The following ATP2B2 variants were observed in gnomAD, a reference collection of about 807,000 sequenced individuals.
The protein encoded by ATP2B2 is ATPase plasma membrane Ca2+ transporting 2, also known as plasma membrane calcium-transporting ATPase 2.
ATP2B2 carries 15 observed loss-of-function variants against 120.0 expected under a neutral mutation model. That is an observed-to-expected ratio of 0.12 (90% CI 0.08 to 0.19). ATP2B2 has a LOEUF of 0.19. Ranked by LOEUF, ATP2B2 falls within the 10% of genes least tolerant of loss-of-function variation. The pLI is 1.00. For synonymous variants in ATP2B2, 694 were observed against 700.3 expected (o/e 0.99, Z 0.14); for missense variants, 1,045 against 1,719.8 (o/e 0.61, Z 6.94).
intron 2 of ATP2B2, among the ~76,000 whole-genome samples, chr3:10,442,468 C>T (rs763716749): frequency 3.3e-5 from 5 of 152,180 alleles, no homozygotes; most frequent in Admixed American, 6.5e-5. Context: ...CTATGACCAT[C>T]GATAGCATGC....
chr3:10,432,123 GC>G (rs1197831632), intron 2 of ATP2B2, among the ~76,000 whole-genome samples: 3 of 152,250 alleles, frequency 2.0e-5, no homozygotes, highest in Non-Finnish European at 4.4e-5. Flanking sequence ...AGGGGCTTGA[GC>G]CAGGCAGGCG....
intron 1 of ATP2B2, among the ~76,000 whole-genome samples, chr3:10,698,216 T>C (rs1420481345): frequency 6.6e-6 from 1 of 152,208 alleles, no homozygotes; most frequent in East Asian, 1.9e-4. Flanking sequence ...TGGGGATGTC[T>C]GGAAAAGAAT....
chr3:10,499,931 CTTTTTTTTTTT>C (rs57211710), intron 1 of ATP2B2, among the ~76,000 whole-genome samples: 8 of 117,592 alleles, frequency 6.8e-5, no homozygotes, highest in East Asian at 4.8e-4. Flanking sequence ...TGGGCACATT[CTTTTTTTTTTT>C]TTTTTTTTTT....
intron 1 of ATP2B2, among the ~76,000 whole-genome samples, chr3:10,487,273 GACACAC>G (rs756470927): frequency 6.6e-6 from 1 of 151,786 alleles, no homozygotes; most frequent in East Asian, 1.9e-4. Context: ...CATACAGAGA[GACACAC>G]ACACACAGAC....
At chr3:10,684,863 T>C (rs945378544) in intron 1 of ATP2B2, among the ~76,000 whole-genome samples, 8 of 152,210 alleles carry the variant, frequency 5.3e-5, no homozygotes, top group African/African-American at 1.7e-4. Context: ...GAGACAATGA[T>C]AAAATCAAGA....
intron 1 of ATP2B2, among the ~76,000 whole-genome samples, chr3:10,703,258 T>C (rs750284953): frequency 6.6e-6 from 1 of 152,176 alleles, no homozygotes; most frequent in Non-Finnish European, 1.5e-5. Flanking sequence ...TCTCTGCCCT[T>C]TCTCCTCCTG....
At chr3:10,654,604 G>C (rs1340190808) in intron 1 of ATP2B2, among the ~76,000 whole-genome samples, 1 of 152,134 alleles carries the variant, frequency 6.6e-6, no homozygotes, top group South Asian at 2.1e-4. Context: ...TAAGAAAGGA[G>C]AACCTATGGA....
intron 1 of ATP2B2, among the ~76,000 whole-genome samples, chr3:10,504,314 C>T (rs1243143368): frequency 1.3e-5 from 2 of 152,196 alleles, no homozygotes; most frequent in African/African-American, 2.4e-5. Context: ...GGATGGCGCC[C>T]GCTGATCCTG....
intron 2 of ATP2B2, among the ~76,000 whole-genome samples, chr3:10,565,099 C>A (rs532778826): frequency 1.3e-5 from 2 of 152,254 alleles, no homozygotes; most frequent in African/African-American, 4.8e-5. Context: ...ACACAGATCC[C>A]ACCATGTAAA....
At chr3:10,486,102 G>A (rs2065641556) in intron 1 of ATP2B2, among the ~76,000 whole-genome samples, 1 of 152,148 alleles carries the variant, frequency 6.6e-6, no homozygotes, top group African/African-American at 2.4e-5. Context: ...TGCTTCCATC[G>A]CACTCATACA....
chr3:10,424,164 T>C (rs2063076749), intron 2 of ATP2B2, among the ~76,000 whole-genome samples: 1 of 152,208 alleles, frequency 6.6e-6, no homozygotes, highest in Admixed American at 6.5e-5. Context: ...TACACGGGCC[T>C]TGCATTTCCA....
intron 2 of ATP2B2, among the ~76,000 whole-genome samples, chr3:10,416,916 C>A (rs2062803752): frequency 6.6e-6 from 1 of 151,702 alleles, no homozygotes; most frequent in Non-Finnish European, 1.5e-5. Flanking sequence ...GGGGCGGCAG[C>A]CGGGCAGAGG....
At chr3:10,503,398 A>T (rs531972081) in intron 1 of ATP2B2, among the ~76,000 whole-genome samples, 135 of 152,316 alleles carry the variant, frequency 8.9e-4, no homozygotes, top group African/African-American at 3.1e-3. Flanking sequence ...TCTGAAGAAC[A>T]TCAATAACCC....
intron 10 of ATP2B2, among the ~76,000 whole-genome samples, chr3:10,376,513 A>G (rs867805023): frequency 1.1e-4 from 17 of 152,188 alleles, no homozygotes; most frequent in African/African-American, 3.9e-4. Context: ...CTGTAACGGT[A>G]GGAACGCAGC....
At chr3:10,341,580 G>A (rs2060279294) in intron 19 of ATP2B2, among the ~76,000 whole-genome samples, 2 of 152,160 alleles carry the variant, frequency 1.3e-5, no homozygotes, top group African/African-American at 4.8e-5. Context: ...CAAAGTGCTG[G>A]GATTACAGGC....
chr3:10,494,876 C>A (rs1340742322), intron 1 of ATP2B2, among the ~76,000 whole-genome samples: 1 of 152,222 alleles, frequency 6.6e-6, no homozygotes, highest in East Asian at 1.9e-4. Context: ...AGACAGAGGT[C>A]AAAACCCTGA....
At chr3:10,410,525 G>A in intron 3 of ATP2B2, 93 bp downstream of exon 3, 1 of 1,431,604 alleles carries the variant, frequency 7.0e-7, no homozygotes, top group Non-Finnish European at 9.5e-7. Context: ...CCCCTGGGAG[G>A]AGAGGATTAT....
chr3:10,430,310 G>C (rs1243281898), intron 2 of ATP2B2, among the ~76,000 whole-genome samples: 1 of 152,188 alleles, frequency 6.6e-6, no homozygotes, highest in Non-Finnish European at 1.5e-5. Context: ...ATGGATCTGG[G>C]CAGAGTAAAC....
chr3:10,388,264 G>C lies in ATP2B2; in HGVS notation c.907+13C>G, dbSNP rs759561757. The C allele has an allele frequency of 2.2e-5, 35 of 1,614,016 alleles. No individual in the cohort carries two copies. Among genetic ancestry groups the C allele is most frequent in the Middle Eastern group, 1.6e-4 (1 of 6,084 alleles). ...AGAGCTCCTCTCCTGGTCTGCAAGGGGATTAGGCTTACCTTTTTTGTCTTT... is the reference window on the plus strand; with the variant it reads ...AGAGCTCCTCTCCTGGTCTGCAAGGCGATTAGGCTTACCTTTTTTGTCTTT... On this transcript the variant is annotated intron_variant, in intron 6 of 22. Transcript: ENST00000360273.
Sources: allele counts gnomAD v4.1 joint callset (sites outside exome capture counted in the v4.1 genomes callset), GRCh38; gene constraint gnomAD v4.1.1; transcripts MANE v1.5; gene names NCBI Gene and HGNC (gene_info 2026-07-23, HGNC 2026-07-21).